The following RNF17 variants were observed in gnomAD, a reference collection of about 807,000 sequenced individuals.
RNF17 encodes ring finger protein 17, also known as spermatogenesis associated 23.
In RNF17, 31 loss-of-function variants were observed where a neutral mutation model predicts 200.5. That is an observed-to-expected ratio of 0.15 (90% CI 0.12 to 0.21). The LOEUF (loss-of-function observed/expected upper bound fraction) is 0.21. Ranked by LOEUF, RNF17 falls within the 10% of genes least tolerant of loss-of-function variation. RNF17 has a pLI of 1.00. For missense variants in RNF17, 1,628 were observed against 1,905.1 expected, an observed-to-expected ratio of 0.85 and a Z score of 2.71; for synonymous variants, 606 against 637.8, an observed-to-expected ratio of 0.95 and a Z score of 0.75.
Position 24,853,941 on chromosome 13 carries a change from G to A in RNF17, c.3407G>A (p.Cys1136Tyr). ...CAGGAAGATTCAGTAGTTACTAACTGTATTAAAACTAACTTTGACCCTGAC... is the reference window on the plus strand; with the variant it reads ...CAGGAAGATTCAGTAGTTACTAACTATATTAAAACTAACTTTGACCCTGAC... ...LEQEDSVVTN[C>Y]IKTNFDPDKK... The change falls in exon 25 of 36, where the codon TGT becomes TAT. Residue 1136 changes from cysteine to tyrosine, a missense_variant. Physicochemically the swap from Cys to Tyr is radical, Grantham distance 194. Transcript: ENST00000255324. The A allele has an allele frequency of 1.2e-6, 2 of 1,613,848 alleles. No homozygotes were observed. Among genetic ancestry groups the A allele is most frequent in the Non-Finnish European group, 1.7e-6 (2 of 1,179,778 alleles).
intron 18 of RNF17, among the ~76,000 whole-genome samples, chr13:24,836,097 C>T (rs1038954690): frequency 6.6e-6 from 1 of 152,112 alleles, no homozygotes; most frequent in Non-Finnish European, 1.5e-5. Context: ...CCTAATCCAA[C>T]AAAGACAAGG....
Position 24,798,757 on chromosome 13 carries a change from C to CT in RNF17, c.1400-629dup, listed in dbSNP as rs34073328. Among the ~76,000 whole-genome samples, 51 of 151,228 alleles carry CT rather than the reference C, an allele frequency of 3.4e-4. 1 individual carries two copies. Among genetic ancestry groups the CT allele is most frequent in the Admixed American group, 1.3e-3 (20 of 15,182 alleles). ...TCATAGTAAGCATTCACCTGTGGGC[C>CT]TTTTTTTTTGTTTGTTTGATCTTCT... On this transcript the variant is annotated intron_variant, in intron 11 of 35. Transcript: ENST00000255324.
At chr13:24,754,598 A>G in the RNF17 span, among the ~76,000 whole-genome samples, 6 of 152,328 alleles carry the variant, frequency 3.9e-5, no homozygotes, top group African/African-American at 1.2e-4. Context: ...GTATTATTCA[A>G]TAAAGATTGC....
In RNF17 at chr13:24,764,231, C is replaced by A. The variant is rs1363520105; in HGVS notation, c.28C>A (p.Pro10Thr). MAAEASKTGPSRSSYQRMGR... is the reference protein window; with the variant it reads MAAEASKTGTSRSSYQRMGR... ...GGCGGCAGAGGCTTCGAAGACTGGG[C>A]CTTCTAGGTCTTCCTACCAGCGAAT... is the stretch of plus-strand genomic sequence containing the variant. Residue 10 changes from proline (P) to threonine (T), a missense_variant, in exon 1 of 36, where the codon CCT becomes ACT. Coordinates refer to ENST00000255324, the MANE Select transcript of RNF17 (RefSeq NM_031277.3). The A allele has an allele frequency of 1.2e-6, 2 of 1,604,672 alleles. No homozygotes were observed. Among genetic ancestry groups the A allele is most frequent in the Non-Finnish European group, 1.7e-6 (2 of 1,172,816 alleles).
At chr13:24,855,349 G>T (rs1593443671) in intron 25 of RNF17, among the ~76,000 whole-genome samples, 1 of 152,112 alleles carries the variant, frequency 6.6e-6, no homozygotes, top group East Asian at 1.9e-4. Flanking sequence ...GTAATCATTG[G>T]CCAGGCACGG....
chr13:24,761,594 A>G (rs558594695), upstream of RNF17, among the ~76,000 whole-genome samples: 1 of 152,342 alleles, frequency 6.6e-6, no homozygotes, highest in Admixed American at 6.5e-5. Flanking sequence ...ATGATTTTAG[A>G]GCACTAGAAA....
the RNF17 span, among the ~76,000 whole-genome samples, chr13:24,759,102 A>C: frequency 1.3e-5 from 2 of 150,754 alleles, no homozygotes; most frequent in African/African-American, 4.9e-5. Context: ...AAAAAAAAAA[A>C]ACAACACTTA....
chr13:24,835,775 C>A (rs528425673), intron 18 of RNF17, among the ~76,000 whole-genome samples: 1 of 152,142 alleles, frequency 6.6e-6, no homozygotes, highest in Non-Finnish European at 1.5e-5. Flanking sequence ...TTCAATACCC[C>A]CCCAAAATCA....
In RNF17 at chr13:24,860,390, A is replaced by G. The variant is rs548489915; in HGVS notation, c.3775-878A>G. On this transcript the variant is annotated intron_variant, in intron 26 of 35. Coordinates refer to ENST00000255324, the MANE Select transcript of RNF17 (RefSeq NM_031277.3). ...CACCTTTTATTTTTTTCATGTGGTC[A>G]CTTTACATTTTTAGTATACACAATG... Among the ~76,000 whole-genome samples, 5 of 152,116 alleles carry G rather than the reference A, an allele frequency of 3.3e-5. No homozygotes were observed. In the South Asian group the frequency reaches 1.0e-3, roughly 32 times the overall value.
chr13:24,792,977 G>T, intron 9 of RNF17, 65 bp from the exon 10 acceptor site: 1 of 1,113,166 alleles, frequency 9.0e-7, no homozygotes, highest in South Asian at 1.6e-5. Context: ...AGTTTCTAGT[G>T]ACTTATTCAT....
chr13:24,844,528 C>T, intron 20 of RNF17, 124 bp from the exon 21 acceptor site: 1 of 746,464 alleles, frequency 1.3e-6, no homozygotes, highest in African/African-American at 1.8e-5. Flanking sequence ...CTTGTACATT[C>T]AAGGAAGAAC....
At chr13:24,884,436 G>T (rs571084331), downstream of RNF17, 2 of 1,613,934 alleles carry the variant, frequency 1.2e-6, no homozygotes, top group Non-Finnish European at 8.5e-7. Flanking sequence ...AGTATAACAC[G>T]GCACCCATTC....
At chr13:24,791,111 A>G (rs1010151560) in intron 9 of RNF17, among the ~76,000 whole-genome samples, 3 of 152,146 alleles carry the variant, frequency 2.0e-5, no homozygotes, top group Non-Finnish European at 4.4e-5. Flanking sequence ...TGAAAGTAAA[A>G]ATTATTAGAT....
At chr13:24,824,531 A>G (rs1291437378) in intron 15 of RNF17, among the ~76,000 whole-genome samples, 1 of 152,184 alleles carries the variant, frequency 6.6e-6, no homozygotes, top group Non-Finnish European at 1.5e-5. Context: ...TGGTATTTGG[A>G]GAAATAAACT....
chr13:24,831,929 A>C lies in RNF17; in HGVS notation c.2433A>C (p.Glu811Asp). 3.1e-6 allele frequency: 5 copies of C among 1,606,386 alleles called. No homozygotes were observed. The highest frequency in any genetic ancestry group is 4.3e-6 in the Non-Finnish European group (5 of 1,174,764). The stretch of plus-strand genomic sequence containing the variant: ...TGCAGTGGTCCAAAGAAGCTAAAGA[A>C]AAATTTGAAGAAAAGGCTCAAGATA... ...RTMQWSKEAKEKFEEKAQDKF... is the reference protein window; with the variant it reads ...RTMQWSKEAKDKFEEKAQDKF... Residue 811 changes from glutamate (E) to aspartate (D), a missense_variant, in exon 18 of 36, where the codon GAA becomes GAC. Physicochemically the swap from Glu to Asp is conservative, Grantham distance 45. This residue lies in a region of RNF17 where 227 missense variants were observed against 319.8 expected (regional missense o/e 0.71). Transcript: ENST00000255324.
chr13:24,871,874 A>G (rs9511487), intron 32 of RNF17, among the ~76,000 whole-genome samples: 35,079 of 146,438 alleles, frequency 0.24, 4,507 homozygotes, highest in Non-Finnish European at 0.3. Flanking sequence ...CTCGTGATCC[A>G]CCCGCCTTGG....
chr13:24,771,843 A>T (rs377022805), intron 2 of RNF17, among the ~76,000 whole-genome samples: 4 of 152,126 alleles, frequency 2.6e-5, no homozygotes, highest in African/African-American at 9.6e-5. Context: ...AATCTCTACT[A>T]AAAATACCAA....
chr13:24,829,125 C>G (rs772816355), intron 16 of RNF17, among the ~76,000 whole-genome samples: 4 of 152,130 alleles, frequency 2.6e-5, no homozygotes, highest in Non-Finnish European at 5.9e-5. Flanking sequence ...CTGCTTACCC[C>G]CTAGGCCTTA....
At chr13:24,812,040 T>G (rs907222240) in intron 15 of RNF17, among the ~76,000 whole-genome samples, 8 of 151,866 alleles carry the variant, frequency 5.3e-5, no homozygotes, top group South Asian at 2.1e-4. Flanking sequence ...CACTGCTCTC[T>G]TCAAAGCTGT....
Sources: allele counts gnomAD v4.1 joint callset (sites outside exome capture counted in the v4.1 genomes callset), GRCh38; gene constraint gnomAD v4.1.1; regional missense constraint gnomAD v4.1.1; transcripts MANE v1.5; gene names NCBI Gene and HGNC (gene_info 2026-07-23, HGNC 2026-07-21).